The following SNX21 variants were observed in gnomAD, a reference collection of about 807,000 sequenced individuals.
SNX21 encodes sorting nexin-21.
SNX21 carries 36 observed loss-of-function variants against 30.9 expected under a neutral mutation model. The observed-to-expected ratio is 1.16, with a 90% CI of 0.89 to 1.54. SNX21 has a LOEUF of 1.54. Ranked by LOEUF, SNX21 falls within the 40% of genes most tolerant of loss-of-function variation. SNX21 has a pLI of 0.00. For synonymous variants in SNX21, 218 were observed against 222.7 expected (o/e 0.98, Z 0.19); for missense variants, 508 against 516.5 (o/e 0.98, Z 0.16).
Position 45,834,305 on chromosome 20 carries a change from C to A in SNX21, c.126C>A (p.Ser42Arg). Residue 42 changes from serine to arginine, a missense_variant, in exon 2 of 4, where the codon AGC becomes AGA. By Grantham distance (110) the Ser-to-Arg change is moderately radical. Coordinates refer to ENST00000491381, the MANE Select transcript of SNX21 (RefSeq NM_033421.4). ...CAGAGGCCGAGCAGTTTCCGGAGAGCTCAGAGCTGGAGGACGACGACGCCG... is the reference window on the plus strand; with the variant it reads ...CAGAGGCCGAGCAGTTTCCGGAGAGATCAGAGCTGGAGGACGACGACGCCG... ...ASPEAEQFPE[S>R]SELEDDDAEG... 1 of 1,596,354 alleles carries A rather than the reference C, an allele frequency of 6.3e-7. No individual in the cohort carries two copies. The highest frequency in any genetic ancestry group is 1.1e-5 in the South Asian group (1 of 89,598).
chr20:45,836,818 A>G (rs1346492905), intron 3 of SNX21, among the ~76,000 whole-genome samples: 1 of 152,188 alleles, frequency 6.6e-6, no homozygotes. Context: ...ATGGCCAAGT[A>G]TGCCCCGGCC....
Position 45,842,000 on chromosome 20 carries a change from C to T in SNX21, c.*687C>T. Reference sequence around the variant, plus strand: ...GTGATGATGGCCTGCTTCAGAACAGCCAAATACACTTTTTTTTTTTTTCCT... The same window carrying T: ...GTGATGATGGCCTGCTTCAGAACAGTCAAATACACTTTTTTTTTTTTTCCT... On this transcript the variant is annotated 3_prime_UTR_variant, in exon 4 of 4. Transcript: ENST00000491381. 1.2e-6 allele frequency: 2 copies of T among 1,604,468 alleles called. No homozygotes were observed. Among genetic ancestry groups the T allele is most frequent in the Non-Finnish European group, 8.5e-7 (1 of 1,177,162 alleles).
chr20:45,840,734 C>A lies in SNX21; in HGVS notation c.543C>A (p.Asn181Lys). 1.2e-6 allele frequency: 2 copies of A among 1,614,192 alleles called. No individual in the cohort carries two copies. The highest frequency in any genetic ancestry group is 1.7e-6 in the Non-Finnish European group (2 of 1,180,040). Residue 181 changes from asparagine (N) to lysine (K), a missense_variant, in exon 4 of 4, where the codon AAC becomes AAA. By Grantham distance (94) the Asn-to-Lys change is moderately conservative (BLOSUM62 0). Coordinates refer to ENST00000491381, the MANE Select transcript of SNX21 (RefSeq NM_033421.4). ...CGGACTTTGAGCGGCTGCACCGAAA[C>A]CTGCAGCGGCAATTCCGGGGCCCAA... is the stretch of plus-strand genomic sequence containing the variant. ...RYSDFERLHRNLQRQFRGPMA... is the reference protein window; with the variant it reads ...RYSDFERLHRKLQRQFRGPMA...
At chr20:45,840,133 T>C in intron 3 of SNX21, 1 of 985,284 alleles carries the variant, frequency 1.0e-6, no homozygotes, top group Non-Finnish European at 1.2e-6. Context: ...AGAACTTGAG[T>C]CCTAGGCCAG....
chr20:45,842,369 T>G lies in SNX21; in HGVS notation c.*1056T>G. On this transcript the variant is annotated 3_prime_UTR_variant, in exon 4 of 4. Coordinates refer to ENST00000491381, the MANE Select transcript of SNX21 (RefSeq NM_033421.4). ...GGGAGGAGCTCTGAGAACAGTCTCC[T>G]TCAACAGCTCGGCCAAGCAGAACTG... The G allele has an allele frequency of 7.6e-7, 1 of 1,312,404 alleles. No homozygotes were observed. Among genetic ancestry groups the G allele is most frequent in the Non-Finnish European group, 9.7e-7 (1 of 1,030,052 alleles). 81.3% of individuals were successfully genotyped at this position (1,312,404 alleles called of 1,614,324 possible).
rs370999433 is a variant in SNX21, at chr20:45,842,087, C to A, written c.*774C>A. The stretch of plus-strand genomic sequence containing the variant: ...AGCGCCTGGGTTCAAGGGATCCTCC[C>A]GCCTCAGCCTCCTGAGCAGCTGGGA... On this transcript the variant is annotated 3_prime_UTR_variant, in exon 4 of 4. Transcript: ENST00000491381. The A allele has an allele frequency of 6.5e-7, 1 of 1,538,280 alleles. No individual in the cohort carries two copies. Among genetic ancestry groups the A allele is most frequent in the African/African-American group, 1.4e-5 (1 of 73,108 alleles).
rs535206685 is a variant in SNX21 at position 45,839,331 on chromosome 20, C to A, written c.448-1308C>A. On this transcript the variant is annotated intron_variant, in intron 3 of 3. Coordinates refer to ENST00000491381, the MANE Select transcript of SNX21 (RefSeq NM_033421.4). ...GAGATCGAGACCATCCTGGCTAACACAGTGAAACCCCGTCTCTACTAAAAA... is the reference window on the plus strand; with the variant it reads ...GAGATCGAGACCATCCTGGCTAACAAAGTGAAACCCCGTCTCTACTAAAAA... 5.9e-5 allele frequency among the ~76,000 whole-genome samples: 9 copies of A among 152,114 alleles called. No individual in the cohort carries two copies. The South Asian group carries it at 1.0e-3, about 18-fold the overall frequency.
At chr20:45,836,439 C>T (rs369587336) in intron 3 of SNX21, among the ~76,000 whole-genome samples, 1 of 134,404 alleles carries the variant, frequency 7.4e-6, no homozygotes, top group Non-Finnish European at 1.5e-5. Context: ...TGCAGTGAGC[C>T]GAGATCGAGC....
intron 3 of SNX21, 109 bp downstream of exon 3, chr20:45,835,225 T>C: frequency 7.8e-7 from 1 of 1,273,942 alleles, no homozygotes. Flanking sequence ...AATGGTTACC[T>C]TGTTTACAAA....
intron 3 of SNX21, among the ~76,000 whole-genome samples, chr20:45,836,490 CAAAAA>C (rs74176824): frequency 2.9e-4 from 15 of 51,336 alleles, no homozygotes; most frequent in East Asian, 7.2e-4. Flanking sequence ...GACTCCGTCT[CAAAAA>C]AAAAAAAAAA....
chr20:45,842,349 G>A lies in SNX21; in HGVS notation c.*1036G>A. On this transcript the variant is annotated 3_prime_UTR_variant, in exon 4 of 4. Transcript: ENST00000491381. ...TTCCTCAAAAAGATCACAGAGGGAG[G>A]AGCTCTGAGAACAGTCTCCTTCAAC... 7.3e-7 allele frequency: 1 copy of A among 1,368,714 alleles called. No individual in the cohort carries two copies. Among genetic ancestry groups the A allele is most frequent in the South Asian group, 1.7e-5 (1 of 58,906 alleles). The allele number at this position is 1,368,714 out of a possible 1,614,324, so 84.8% of individuals were successfully genotyped here.
At position 45,841,524 on chromosome 20, in the gene SNX21, A is replaced by C; in HGVS notation, c.*211A>C. The C allele has an allele frequency of 7.2e-7, 1 of 1,391,828 alleles. No homozygotes were observed. The highest frequency in any genetic ancestry group is 9.3e-7 in the Non-Finnish European group (1 of 1,080,614). 86.2% of individuals were successfully genotyped at this position (1,391,828 alleles called of 1,614,324 possible). ...GGGGTTGCCCTTGTGTAGTACAGGG[A>C]AGTCTGACACAGCCTCTCCAGCCTA... On this transcript the variant is annotated 3_prime_UTR_variant, in exon 4 of 4. Transcript: ENST00000491381.
chr20:45,841,229 G>A lies in SNX21; in HGVS notation c.1038G>A (p.Arg346=), dbSNP rs1458986979. 6.2e-7 allele frequency: 1 copy of A among 1,613,252 alleles called. No homozygotes were observed. The highest frequency in any genetic ancestry group is 8.5e-7 in the Non-Finnish European group (1 of 1,179,754). Residue 346 remains arginine (R), a synonymous_variant, in exon 4 of 4, where the codon CGG becomes CGA. Transcript: ENST00000491381. ...TGGACAAACGTCAATCAGAGGCTCGGCTCCAAGCCCTGCAGGAGGCAGGCC... is the reference window on the plus strand; with the variant it reads ...TGGACAAACGTCAATCAGAGGCTCGACTCCAAGCCCTGCAGGAGGCAGGCC... ...LGLDKRQSEA[R]LQALQEAGLT...
chr20:45,842,662 G>C lies in SNX21; in HGVS notation c.*1349G>C. ...CCTTACACATAGCAGAGCTCACTCA[G>C]TTCTCACAGTAGCCAAATGAAGCAG... is the stretch of plus-strand genomic sequence containing the variant. On this transcript the variant is annotated 3_prime_UTR_variant, in exon 4 of 4. Transcript: ENST00000491381. 1 of 989,880 alleles carries C rather than the reference G, an allele frequency of 1.0e-6. No homozygotes were observed. Among genetic ancestry groups the C allele is most frequent in the Non-Finnish European group, 1.2e-6 (1 of 832,642 alleles). The allele number at this position is 989,880 out of a possible 1,614,324, so 61.3% of individuals were successfully genotyped here.
chr20:45,836,440 G>A (rs1158274420), intron 3 of SNX21, among the ~76,000 whole-genome samples: 9 of 138,670 alleles, frequency 6.5e-5, no homozygotes, highest in African/African-American at 2.2e-4. Context: ...GCAGTGAGCC[G>A]AGATCGAGCC....
At position 45,841,591 on chromosome 20, in the gene SNX21, C is replaced by G; in HGVS notation, c.*278C>G. 7.1e-7 allele frequency: 1 copy of G among 1,399,994 alleles called. No homozygotes were observed. Among genetic ancestry groups the G allele is most frequent in the Non-Finnish European group, 9.2e-7 (1 of 1,084,956 alleles). 86.7% of individuals were successfully genotyped at this position (1,399,994 alleles called of 1,614,324 possible). A position where few individuals can be genotyped will look rare whatever the true frequency, so the allele number is the denominator to read the frequency against. On this transcript the variant is annotated 3_prime_UTR_variant, in exon 4 of 4. Transcript: ENST00000491381. ...TGTGGCACAGGTTGGGGCAATGTTC[C>G]CTTGTTGGTGGGCCCCCAAGCTGGC...
At chr20:45,834,042 T>C in intron 1 of SNX21, 102 bp downstream of exon 1, 1 of 1,414,800 alleles carries the variant, frequency 7.1e-7, no homozygotes, top group Non-Finnish European at 9.3e-7. Flanking sequence ...AAAGCGATGC[T>C]GGCTGGGTCC....
rs1166239062 is a variant in SNX21 at position 45,835,057 on chromosome 20, C to A, written c.388C>A (p.Arg130=). The A allele has an allele frequency of 6.2e-7, 1 of 1,614,206 alleles. No individual in the cohort carries two copies. Among genetic ancestry groups the A allele is most frequent in the South Asian group, 1.1e-5 (1 of 91,080 alleles). Residue 130 remains arginine (R), a synonymous_variant, in exon 3 of 4, where the codon CGG becomes AGG. Coordinates refer to ENST00000491381, the MANE Select transcript of SNX21 (RefSeq NM_033421.4). ...GTCCCGGAACACCTTGGCACCCCAG[C>A]GGCTGCTCTTCGAAGTGACCAGCGC... is the stretch of plus-strand genomic sequence containing the variant. The part of the protein sequence containing the change: ...KKSRNTLAPQ[R]LLFEVTSANV...
chr20:45,834,144 C>T, intron 1 of SNX21, 57 bp from the exon 2 acceptor site: 1 of 1,432,006 alleles, frequency 7.0e-7, no homozygotes, highest in South Asian at 1.5e-5. Context: ...CCTCCTGCGC[C>T]GGGCTGGGGT....
Sources: gnomAD v4.1 joint callset for allele counts (sites outside exome capture counted in the v4.1 genomes callset) on GRCh38, gnomAD v4.1.1 for gene constraint, MANE v1.5 for transcripts, NCBI Gene and HGNC (gene_info 2026-07-23, HGNC 2026-07-21) for gene names.